NFIB: variants seen among roughly 807,000 people sequenced by gnomAD.
The protein encoded by NFIB is nuclear factor I B.
In NFIB, 11 loss-of-function variants were observed where a neutral mutation model predicts 61.5. The ratio of observed to expected loss-of-function variants is 0.18; its 90% CI spans 0.11 to 0.30. NFIB has a LOEUF of 0.30. Among genes scored for constraint, NFIB ranks in the 10% least tolerant of loss-of-function variants. The pLI, the probability that NFIB is intolerant of heterozygous loss-of-function variation, is 1.00. For missense variants in NFIB, 471 were observed against 608.9 expected (o/e 0.77, Z 2.38); for synonymous variants, 260 against 216.5 (o/e 1.20, Z -1.76).
the NFIB span, among the ~76,000 whole-genome samples, chr9:14,461,212 T>C: frequency 1.3e-5 from 2 of 152,192 alleles, no homozygotes; most frequent in Non-Finnish European, 2.9e-5. Flanking sequence ...TTGAGGGAAC[T>C]GTGAGCTTGG....
chr9:14,314,283 A>T, upstream of NFIB: 3 of 439,314 alleles, frequency 6.8e-6, no homozygotes, highest in Non-Finnish European at 9.1e-6. Context: ...GGTCCCCGGC[A>T]GCAGCAGCCG....
In NFIB at chr9:14,120,555, G is replaced by C. The variant is rs2038784167; in HGVS notation, c.1130C>G (p.Ala377Gly). 1 of 1,613,776 alleles carries C rather than the reference G, an allele frequency of 6.2e-7. No homozygotes were observed. Among genetic ancestry groups the C allele is most frequent in the Non-Finnish European group, 8.5e-7 (1 of 1,179,948 alleles). ...TGGATGAGAAAAGTAGCTCGATGGGGCTGGAGGAAGGATAGCTTGTGTTGG... is the reference window on the plus strand; with the variant it reads ...TGGATGAGAAAAGTAGCTCGATGGGCCTGGAGGAAGGATAGCTTGTGTTGG... ...PFPTQAILPP[A>G]PSSYFSHPTI... The change falls in exon 8 of 11, where the codon GCC (alanine) becomes GGC (glycine). Residue 377 changes from alanine to glycine, a missense_variant. By Grantham distance (60) the Ala-to-Gly change is moderately conservative (BLOSUM62 0). Coordinates refer to ENST00000380953, the MANE Select transcript of NFIB (RefSeq NM_001190737.2). This position sits in a 1 kb window ranked among gnomAD's most constrained non-coding sequence, Gnocchi z 4.4.
intron 1 of NFIB, among the ~76,000 whole-genome samples, chr9:14,325,028 T>G (rs1009081067): frequency 6.6e-6 from 1 of 152,130 alleles, no homozygotes; most frequent in Non-Finnish European, 1.5e-5. Flanking sequence ...TTTCTGGTTT[T>G]TATATTTTGC....
At chr9:14,531,743 A>G in the NFIB span, among the ~76,000 whole-genome samples, 1 of 151,910 alleles carries the variant, frequency 6.6e-6, no homozygotes, top group African/African-American at 2.4e-5. Context: ...AAGAAGGCCT[A>G]TGCCCCCGGC....
intron 6 of NFIB, among the ~76,000 whole-genome samples, chr9:14,144,391 G>C (rs146313431): frequency 1.3e-5 from 2 of 152,256 alleles, no homozygotes; most frequent in Non-Finnish European, 2.9e-5. Context: ...GTATGGCTTT[G>C]TTTAGAATAA....
chr9:14,116,025 G>A lies in NFIB; in HGVS notation c.1384+183C>T, dbSNP rs114295636. Among the ~76,000 whole-genome samples the A allele has an allele frequency of 6.0e-3, 918 of 152,328 alleles. 10 individuals are homozygous for A. Among genetic ancestry groups the A allele is most frequent in the African/African-American group, 0.02 (844 of 41,562 alleles). On this transcript the variant is annotated intron_variant, in intron 9 of 10. Transcript: ENST00000380953. ...ACTGGAATTTGAGAAGAGAGAGCCT[G>A]TGATAGCAGGGCCACATCCATGCCT...
rs2132183836 is a variant in NFIB at position 14,256,238 on chromosome 9, C to A, written c.562+50751G>T. Among the ~76,000 whole-genome samples the A allele has an allele frequency of 2.6e-5, 4 of 152,256 alleles. 1 individual carries two copies. Among genetic ancestry groups the A allele is most frequent in the Admixed American group, 2.6e-4 (4 of 15,292 alleles). ...GATTGAATTTCAGGGTGAGGGAGGT[C>A]TTACTGCATTTTTGCCTTAATAATC... On this transcript the variant is annotated intron_variant, in intron 2 of 10. Coordinates refer to ENST00000380953, the MANE Select transcript of NFIB (RefSeq NM_001190737.2).
At chr9:14,132,475 C>A (rs943353319) in intron 6 of NFIB, among the ~76,000 whole-genome samples, 5 of 152,062 alleles carry the variant, frequency 3.3e-5, no homozygotes, top group East Asian at 3.9e-4. Context: ...TACATATTTT[C>A]TTTATTTTTC....
intron 1 of NFIB, among the ~76,000 whole-genome samples, chr9:14,373,113 G>A (rs1301337186): frequency 6.6e-6 from 1 of 152,110 alleles, no homozygotes; most frequent in Non-Finnish European, 1.5e-5. Flanking sequence ...AAGAAGCAAA[G>A]GGAACACTGG....
At chr9:14,476,928 A>T in the NFIB span, among the ~76,000 whole-genome samples, 1 of 152,352 alleles carries the variant, frequency 6.6e-6, no homozygotes, top group African/African-American at 2.4e-5. Flanking sequence ...ATTATAGCTC[A>T]TAATGTTTGA....
chr9:14,463,717 G>A, the NFIB span, among the ~76,000 whole-genome samples: 5 of 138,884 alleles, frequency 3.6e-5, no homozygotes, highest in Admixed American at 3.9e-4. Flanking sequence ...CTGGAGTGCA[G>A]TGGCGCAATC....
rs541824079 is a variant in NFIB, at chr9:14,396,163, T to C, written c.108+2361A>G. Among the ~76,000 whole-genome samples the C allele has an allele frequency of 1.9e-4, 29 of 151,758 alleles. 1 individual carries two copies. The highest frequency in any genetic ancestry group is 6.3e-4 in the African/African-American group (26 of 41,098). ...TTTAATGTATTTGATAATTAGTTGGTTTATGTTTTTTTCACCATTTTTCTC... is the reference window on the plus strand; with the variant it reads ...TTTAATGTATTTGATAATTAGTTGGCTTATGTTTTTTTCACCATTTTTCTC... On this transcript the variant is annotated intron_variant, in intron 1 of 8. Transcript: ENST00000380934.
At chr9:14,348,152 C>G (rs1032262449) in intron 1 of NFIB, among the ~76,000 whole-genome samples, 4 of 152,230 alleles carry the variant, frequency 2.6e-5, no homozygotes, top group African/African-American at 9.6e-5. Context: ...GCCGCCGCGG[C>G]CCATTCTACA....
intron 4 of NFIB, among the ~76,000 whole-genome samples, chr9:14,151,719 G>A (rs560504730): frequency 1.3e-5 from 2 of 152,232 alleles, no homozygotes; most frequent in East Asian, 3.9e-4. Flanking sequence ...GTGCAAAGTG[G>A]AGACCAGGCA....
At chr9:14,327,988 G>C (rs994180229) in intron 1 of NFIB, among the ~76,000 whole-genome samples, 3 of 152,186 alleles carry the variant, frequency 2.0e-5, no homozygotes, top group African/African-American at 7.2e-5. Context: ...AATTTACCTA[G>C]CACCCAACCA....
intron 1 of NFIB, among the ~76,000 whole-genome samples, chr9:14,358,687 G>C (rs1263100291): frequency 6.6e-6 from 1 of 152,110 alleles, no homozygotes; most frequent in Non-Finnish European, 1.5e-5. Flanking sequence ...CATGTGGTTT[G>C]GCTATTGCTG....
chr9:14,306,440 T>G (rs974874495), intron 2 of NFIB, among the ~76,000 whole-genome samples: 1 of 152,216 alleles, frequency 6.6e-6, no homozygotes, highest in Non-Finnish European at 1.5e-5. Context: ...TAGGTCTACG[T>G]AAGATATACT....
chr9:14,125,058 T>C (rs1053211820), intron 7 of NFIB, among the ~76,000 whole-genome samples: 2 of 152,212 alleles, frequency 1.3e-5, no homozygotes, highest in Non-Finnish European at 2.9e-5. Context: ...AAGATAGCTA[T>C]GTACCCATAT....
intron 3 of NFIB, among the ~76,000 whole-genome samples, chr9:14,168,426 G>C (rs904788082): frequency 6.6e-6 from 1 of 152,174 alleles, no homozygotes; most frequent in African/African-American, 2.4e-5. Flanking sequence ...CTGAGGAGGT[G>C]ACAAGGGAGT....
Sources: allele counts gnomAD v4.1 joint callset (sites outside exome capture counted in the v4.1 genomes callset), GRCh38; gene constraint gnomAD v4.1.1; non-coding constraint Gnocchi (gnomAD v3.1); transcripts MANE v1.5; gene names NCBI Gene and HGNC (gene_info 2026-07-23, HGNC 2026-07-21).